Variants in SLC38A6 observed in about 807,000 individuals in gnomAD.
The protein encoded by SLC38A6 is N system amino acid transporter NAT-1.
Under a neutral mutation model 65.0 loss-of-function variants are expected in SLC38A6, and 73 were observed. That is an observed-to-expected ratio of 1.12 (90% CI 0.93 to 1.37). SLC38A6 has a LOEUF of 1.37. SLC38A6 is among the 40% of genes most tolerant of loss of function. The probability of loss-of-function intolerance (pLI) is 0.00; values close to 1 mark genes in which losing one functional copy is unlikely to be tolerated. For synonymous variants in SLC38A6, 183 were observed against 178.8 expected (o/e 1.02, Z -0.19); for missense variants, 561 against 531.1 (o/e 1.06, Z -0.55).
At chr14:61,012,319 C>G (rs1183753217) in intron 3 of SLC38A6, among the ~76,000 whole-genome samples, 1 of 152,078 alleles carries the variant, frequency 6.6e-6, no homozygotes, top group African/African-American at 2.4e-5. Context: ...TTTTGTTGAT[C>G]TGTTCAAAAA....
chr14:61,038,402 T>A (rs985617989), intron 8 of SLC38A6, among the ~76,000 whole-genome samples: 14 of 152,134 alleles, frequency 9.2e-5, no homozygotes, highest in Non-Finnish European at 1.9e-4. Flanking sequence ...GTCTTTTTTC[T>A]TTGTATAGCA....
intron 15 of SLC38A6, among the ~76,000 whole-genome samples, chr14:61,075,777 T>TTGTGTG (rs57421102): frequency 1.2e-3 from 147 of 123,382 alleles, no homozygotes; most frequent in East Asian, 3.4e-3. Flanking sequence ...ATCAACCTGT[T>TTGTGTG]TGTGTGTGTG....
At chr14:61,034,024 T>A (rs1392128576) in intron 6 of SLC38A6, 1 of 152,182 alleles carries the variant, frequency 6.6e-6, no homozygotes, top group African/African-American at 2.4e-5. Context: ...TACAGACATA[T>A]AAAATGAAGT....
chr14:61,071,954 T>G (rs1401837071), intron 15 of SLC38A6, among the ~76,000 whole-genome samples: 1 of 152,168 alleles, frequency 6.6e-6, no homozygotes, highest in East Asian at 1.9e-4. Context: ...ATGTGAGAAT[T>G]GTCCCCTTTG....
intron 7 of SLC38A6, 70 bp from the exon 8 acceptor site, chr14:61,037,555 G>A: frequency 9.3e-7 from 1 of 1,078,100 alleles, no homozygotes; most frequent in East Asian, 2.5e-5. Context: ...TGCCTAAGAT[G>A]TATAGCTTTA....
At chr14:61,046,855 A>G (rs750968993) in intron 12 of SLC38A6, among the ~76,000 whole-genome samples, 5 of 152,198 alleles carry the variant, frequency 3.3e-5, no homozygotes, top group African/African-American at 1.2e-4. Flanking sequence ...ATTATTTCCA[A>G]TGTGAGCATG....
chr14:60,983,607 A>G (rs1302979129), intron 2 of SLC38A6, among the ~76,000 whole-genome samples: 1 of 152,254 alleles, frequency 6.6e-6, no homozygotes, highest in Non-Finnish European at 1.5e-5. Flanking sequence ...TAGGAAATTT[A>G]AAATGCCTAG....
intron 10 of SLC38A6, among the ~76,000 whole-genome samples, chr14:61,044,785 T>C (rs1417681534): frequency 1.3e-5 from 2 of 152,180 alleles, no homozygotes; most frequent in African/African-American, 2.4e-5. Flanking sequence ...TAAGAGTTTG[T>C]AGGTCTAGAA....
At chr14:61,027,695 A>C (rs1444099512) in intron 5 of SLC38A6, among the ~76,000 whole-genome samples, 2 of 152,010 alleles carry the variant, frequency 1.3e-5, no homozygotes, top group African/African-American at 4.8e-5. Flanking sequence ...GTATTTGGTA[A>C]TCTTTTTGTT....
intron 3 of SLC38A6, among the ~76,000 whole-genome samples, chr14:60,989,295 T>C (rs1487541076): frequency 6.6e-6 from 1 of 152,194 alleles, no homozygotes; most frequent in Non-Finnish European, 1.5e-5. Flanking sequence ...CCTTCTTTCT[T>C]ATTTCTTGGC....
At chr14:61,030,551 C>T (rs1018169570) in intron 6 of SLC38A6, 28 bp downstream of exon 6, 15 of 1,459,466 alleles carry the variant, frequency 1.0e-5, no homozygotes, top group African/African-American at 5.7e-5. Context: ...ACATTGTGTC[C>T]GTTCATGTAT....
At chr14:61,018,221 T>C (rs952157525) in intron 4 of SLC38A6, among the ~76,000 whole-genome samples, 1 of 152,208 alleles carries the variant, frequency 6.6e-6, no homozygotes, top group Admixed American at 6.5e-5. Flanking sequence ...CCAAATTTCA[T>C]GTATACCTAC....
At chr14:61,029,193 T>G (rs8007510) in intron 5 of SLC38A6, among the ~76,000 whole-genome samples, 125,528 of 147,466 alleles carry the variant, frequency 0.85, 54,861 homozygotes, top group Non-Finnish European at 0.96. Context: ...TTTTGCTCTT[T>G]CACCCAGGCT....
intron 15 of SLC38A6, among the ~76,000 whole-genome samples, chr14:61,069,386 T>G (rs1594785324): frequency 1.3e-5 from 2 of 152,146 alleles, no homozygotes; most frequent in Non-Finnish European, 2.9e-5. Context: ...GGCTCGCTAC[T>G]ACCCCCATTA....
intron 6 of SLC38A6, chr14:61,031,152 T>C (rs986955952): frequency 3.9e-5 from 6 of 152,136 alleles, no homozygotes; most frequent in African/African-American, 1.2e-4. Flanking sequence ...CTCACCTCTT[T>C]ATAGGGAAAA....
chr14:61,019,398 A>C (rs2139574848), intron 4 of SLC38A6, 143 bp from the exon 5 acceptor site: 1 of 638,702 alleles, frequency 1.6e-6, no homozygotes, highest in South Asian at 2.5e-5. Context: ...TATGTATTTC[A>C]AATGACTGGC....
intron 5 of SLC38A6, among the ~76,000 whole-genome samples, chr14:61,026,969 C>A (rs2040644489): frequency 6.6e-6 from 1 of 152,084 alleles, no homozygotes; most frequent in African/African-American, 2.4e-5. Flanking sequence ...CTCCTCTCAA[C>A]CTCCCGGGCC....
chr14:61,083,085 A>G (rs373834976), intron 16 of SLC38A6, among the ~76,000 whole-genome samples: 1 of 152,182 alleles, frequency 6.6e-6, no homozygotes, highest in East Asian at 1.9e-4. Flanking sequence ...TTGGCCCTCT[A>G]CCATTTCCTC....
At chr14:61,003,295 T>A (rs1263735516) in intron 3 of SLC38A6, among the ~76,000 whole-genome samples, 1 of 152,154 alleles carries the variant, frequency 6.6e-6, no homozygotes, top group Non-Finnish European at 1.5e-5. Context: ...TTTTTTCACC[T>A]AAAATAATAT....
Sources: gnomAD v4.1 joint callset for allele counts (sites outside exome capture counted in the v4.1 genomes callset) on GRCh38, gnomAD v4.1.1 for gene constraint, MANE v1.5 for transcripts, NCBI Gene and HGNC (gene_info 2026-07-23, HGNC 2026-07-21) for gene names.